The following PKHD1 variants were observed in gnomAD, a reference collection of about 807,000 sequenced individuals.
The protein encoded by PKHD1 is fibrocystin.
A neutral mutation model predicts 412.0 loss-of-function variants in PKHD1; 291 were observed. The observed-to-expected ratio is 0.71, with a 90% CI of 0.64 to 0.78. The LOEUF is 0.78. PKHD1 is among the 30% of genes least tolerant of loss of function. PKHD1 has a pLI of 0.00. For missense variants in PKHD1, 4,825 were observed against 4,950.7 expected (o/e 0.97, Z 0.76); for synonymous variants, 1,777 against 1,821.5 (o/e 0.98, Z 0.62).
At chr6:51,932,601 G>A (rs1786814194) in intron 37 of PKHD1, among the ~76,000 whole-genome samples, 1 of 152,196 alleles carries the variant, frequency 6.6e-6, no homozygotes, top group African/African-American at 2.4e-5. Flanking sequence ...GAAAACCATG[G>A]CTGACGTGGG....
At chr6:51,983,884 G>A (rs1795895845) in intron 35 of PKHD1, among the ~76,000 whole-genome samples, 1 of 152,210 alleles carries the variant, frequency 6.6e-6, no homozygotes, top group African/African-American at 2.4e-5. Context: ...AAGAGAAAGT[G>A]TTTATAGCAA....
At chr6:51,671,516 A>C (rs1212434306) in intron 60 of PKHD1, among the ~76,000 whole-genome samples, 1 of 152,054 alleles carries the variant, frequency 6.6e-6, no homozygotes, top group Non-Finnish European at 1.5e-5. Flanking sequence ...GCTTGGAGTA[A>C]TTTGATCGTC....
intron 35 of PKHD1, among the ~76,000 whole-genome samples, chr6:51,972,113 C>T (rs1221385535): frequency 6.6e-6 from 1 of 152,074 alleles, no homozygotes; most frequent in Admixed American, 6.6e-5. Flanking sequence ...ATTAAAAATT[C>T]TACTCTTCCA....
At chr6:51,723,214 C>T (rs1782147629) in intron 60 of PKHD1, among the ~76,000 whole-genome samples, 1 of 152,140 alleles carries the variant, frequency 6.6e-6, no homozygotes, top group African/African-American at 2.4e-5. Flanking sequence ...CTCTTGGGAC[C>T]TCTGTGATGT....
At chr6:51,981,054 A>G (rs1419270246) in intron 35 of PKHD1, among the ~76,000 whole-genome samples, 1 of 152,080 alleles carries the variant, frequency 6.6e-6, no homozygotes, top group Non-Finnish European at 1.5e-5. Context: ...ATTTTGGTCA[A>G]AAATGGGAAA....
intron 46 of PKHD1, among the ~76,000 whole-genome samples, chr6:51,871,095 C>G (rs1454304746): frequency 2.0e-5 from 3 of 152,138 alleles, no homozygotes; most frequent in East Asian, 1.9e-4. Context: ...CAAAATGAGA[C>G]AGCCACTGTG....
intron 21 of PKHD1, among the ~76,000 whole-genome samples, chr6:52,050,760 G>A (rs1806705432): frequency 1.3e-5 from 2 of 152,190 alleles, no homozygotes; most frequent in Non-Finnish European, 2.9e-5. Flanking sequence ...CAGCATGTGT[G>A]CAGAAAGGGT....
chr6:52,032,925 A>G, intron 29 of PKHD1, 105 bp downstream of exon 29: 2 of 1,082,964 alleles, frequency 1.8e-6, no homozygotes, highest in Non-Finnish European at 2.8e-6. Flanking sequence ...CTTTCAAGAA[A>G]AAACTTAAAT....
chr6:51,658,394 T>G (rs1772240936), intron 61 of PKHD1, among the ~76,000 whole-genome samples: 1 of 152,166 alleles, frequency 6.6e-6, no homozygotes, highest in Non-Finnish European at 1.5e-5. Context: ...ACAATCAATG[T>G]ATTAGCTGAA....
intron 63 of PKHD1, among the ~76,000 whole-genome samples, chr6:51,640,203 G>A (rs539171497): frequency 2.0e-5 from 3 of 152,228 alleles, no homozygotes; most frequent in South Asian, 2.1e-4. Context: ...TTTGACAAAC[G>A]TCTTTATTGT....
intron 60 of PKHD1, among the ~76,000 whole-genome samples, chr6:51,665,209 T>C (rs1160780773): frequency 6.6e-6 from 1 of 152,110 alleles, no homozygotes. Context: ...TTCAAGGCTA[T>C]GTAGTCTTGT....
intron 37 of PKHD1, among the ~76,000 whole-genome samples, chr6:51,921,544 C>T (rs1046153376): frequency 2.0e-5 from 3 of 152,198 alleles, no homozygotes; most frequent in African/African-American, 7.2e-5. Context: ...TTCCCTTCTC[C>T]CCGTCACTTT....
chr6:51,804,717 T>C (rs1763503502), intron 52 of PKHD1, among the ~76,000 whole-genome samples: 1 of 152,038 alleles, frequency 6.6e-6, no homozygotes, highest in African/African-American at 2.4e-5. Context: ...TAACTAGGTG[T>C]AGAGTTGCTC....
intron 35 of PKHD1, among the ~76,000 whole-genome samples, chr6:51,980,030 G>C (rs1794942864): frequency 6.6e-6 from 1 of 152,086 alleles, no homozygotes; most frequent in East Asian, 1.9e-4. Context: ...TTAAGGACAA[G>C]GACTATATGG....
At chr6:52,038,474 G>A (rs74710314) in intron 27 of PKHD1, among the ~76,000 whole-genome samples, 2,888 of 152,112 alleles carry the variant, frequency 0.019, 91 homozygotes, top group African/African-American at 0.066. Flanking sequence ...CAGAGATTGG[G>A]GTGGTGTTCT....
chr6:51,773,706 A>G (rs1261326798), intron 54 of PKHD1, among the ~76,000 whole-genome samples: 1 of 151,634 alleles, frequency 6.6e-6, no homozygotes, highest in Non-Finnish European at 1.5e-5. Flanking sequence ...AAATTTTACA[A>G]TTTTCATCAG....
intron 60 of PKHD1, among the ~76,000 whole-genome samples, chr6:51,666,860 C>A (rs1259305638): frequency 6.6e-6 from 1 of 152,082 alleles, no homozygotes; most frequent in Non-Finnish European, 1.5e-5. Context: ...CATGTCCCTA[C>A]AAAGGACATG....
chr6:51,908,607 A>G (rs1245779501), intron 40 of PKHD1, among the ~76,000 whole-genome samples: 1 of 152,118 alleles, frequency 6.6e-6, no homozygotes, highest in Non-Finnish European at 1.5e-5. Context: ...CTTTTATTTT[A>G]GAACTTTTAT....
At position 51,899,354 on chromosome 6, in the gene PKHD1, G is replaced by T. The variant is rs537922559; in HGVS notation, c.6996+4243C>A. ...GGCTTCATCCCTGGGATGCAAGGCT[G>T]GTTCAATATACGCAAATCAATAAAT... On this transcript the variant is annotated intron_variant, in intron 43 of 66. Transcript: ENST00000371117. Among the ~76,000 whole-genome samples the T allele has an allele frequency of 2.3e-3, 350 of 151,780 alleles. 3 individuals carry two copies. The highest frequency in any genetic ancestry group is 7.5e-3 in the African/African-American group (310 of 41,282).
Sources: gnomAD v4.1 joint callset for allele counts (sites outside exome capture counted in the v4.1 genomes callset) on GRCh38, gnomAD v4.1.1 for gene constraint, MANE v1.5 for transcripts, NCBI Gene and HGNC (gene_info 2026-07-23, HGNC 2026-07-21) for gene names.